The following DOCK9 variants were observed in gnomAD, a reference collection of about 807,000 sequenced individuals.
DOCK9 encodes the protein dedicator of cytokinesis 9, also known as dedicator of cytokinesis protein 9.
DOCK9 carries 89 observed loss-of-function variants against 263.3 expected under a neutral mutation model. The observed-to-expected ratio is 0.34, with a 90% CI of 0.28 to 0.40. DOCK9 has a LOEUF of 0.40. DOCK9 is among the 10% of genes least tolerant of loss of function. DOCK9 has a pLI of 1.00. For missense variants in DOCK9, 2,140 were observed against 2,603.4 expected (o/e 0.82, Z 3.87); for synonymous variants, 976 against 973.1 (o/e 1.00, Z -0.06).
intron 1 of DOCK9, among the ~76,000 whole-genome samples, chr13:98,991,288 T>C (rs1439046604): frequency 2.0e-5 from 3 of 152,138 alleles, no homozygotes; most frequent in Non-Finnish European, 4.4e-5. Flanking sequence ...ACCAGGCTGG[T>C]CTTGAACTCC....
At chr13:98,980,848 T>C (rs1326399635), upstream of DOCK9, among the ~76,000 whole-genome samples, 1 of 152,218 alleles carries the variant, frequency 6.6e-6, no homozygotes, top group Non-Finnish European at 1.5e-5. Context: ...CACATGTTCA[T>C]GTCATGAGCC....
intron 15 of DOCK9, among the ~76,000 whole-genome samples, chr13:98,895,385 G>A (rs2047261653): frequency 6.6e-6 from 1 of 151,962 alleles, no homozygotes; most frequent in South Asian, 2.1e-4. Flanking sequence ...TTCCCCCCTA[G>A]GCTGGGCACG....
intron 1 of DOCK9, among the ~76,000 whole-genome samples, chr13:98,956,711 C>T (rs1207954536): frequency 2.0e-5 from 3 of 152,058 alleles, no homozygotes; most frequent in African/African-American, 7.3e-5. Flanking sequence ...CACACCATTG[C>T]ACTCCAGCCT....
chr13:98,973,093 C>G (rs1334688200), intron 1 of DOCK9, among the ~76,000 whole-genome samples: 1 of 152,160 alleles, frequency 6.6e-6, no homozygotes, highest in African/African-American at 2.4e-5. Context: ...TTTCTTTCAC[C>G]ATCCAATATT....
chr13:98,808,650 G>T, intron 47 of DOCK9: 1 of 1,587,636 alleles, frequency 6.3e-7, no homozygotes, highest in Non-Finnish European at 8.6e-7. Context: ...CTCCACATCT[G>T]TTTCACTGTC....
In DOCK9 at chr13:98,915,339, G is replaced by A. The variant is rs2050722051; in HGVS notation, c.882C>T (p.Asp294=). 6.2e-7 allele frequency: 1 copy of A among 1,613,594 alleles called. No individual in the cohort carries two copies. The highest frequency in any genetic ancestry group is 8.5e-7 in the Non-Finnish European group (1 of 1,179,794). Residue 294 remains aspartate (D), a synonymous_variant, in exon 8 of 53, where the codon GAC becomes GAT. Transcript: ENST00000682017. ...GCCAAGCCTATCTACCTTCGTGAGA[G>A]TCGCCATTTCGCTTTTCTTGCATTG... is the stretch of plus-strand genomic sequence containing the variant. ...EAAMQEKRNG[D]SHEDDEQSKL...
intron 1 of DOCK9, chr13:99,025,254 T>A (rs1480013451): frequency 6.6e-6 from 1 of 152,162 alleles, no homozygotes; most frequent in Admixed American, 6.5e-5. Flanking sequence ...CAACACCACA[T>A]ATACTATTAT....
Position 98,934,321 on chromosome 13 carries a change from T to A in DOCK9, c.244-4064A>T, listed in dbSNP as rs1382130085. On this transcript the variant is annotated intron_variant, in intron 2 of 52. Transcript: ENST00000682017. ...GGTGACAGGAAGTACAAGGTAGCCA[T>A]AAAGAGGATATATACAAGATGCCCC... is the stretch of plus-strand genomic sequence containing the variant. Among the ~76,000 whole-genome samples the A allele has an allele frequency of 2.0e-5, 3 of 152,064 alleles. No homozygotes were observed. The East Asian group carries it at 5.8e-4, about 29-fold the overall frequency.
chr13:98,931,662 A>G (rs545029097), intron 2 of DOCK9, among the ~76,000 whole-genome samples: 3 of 152,000 alleles, frequency 2.0e-5, no homozygotes, highest in South Asian at 4.1e-4. Flanking sequence ...CAGTGGCATG[A>G]TCTCGGCTCA....
At chr13:98,794,872 GC>G in intron 52 of DOCK9, 124 bp from the exon 53 acceptor site, 2 of 1,015,832 alleles carry the variant, frequency 2.0e-6, no homozygotes, top group Non-Finnish European at 3.0e-6. Context: ...AGGCAATGTT[GC>G]CACGTGCAAC....
upstream of DOCK9, among the ~76,000 whole-genome samples, chr13:98,980,881 C>G (rs1358908179): frequency 5.3e-5 from 8 of 151,978 alleles, no homozygotes; most frequent in Admixed American, 5.2e-4. Context: ...TGAAGTTTTT[C>G]TATATTTTTC....
intron 27 of DOCK9, among the ~76,000 whole-genome samples, chr13:98,873,195 C>T (rs1252604052): frequency 6.6e-6 from 1 of 152,188 alleles, no homozygotes; most frequent in African/African-American, 2.4e-5. Context: ...GTCATTGCCC[C>T]AATAAGTCTC....
intron 1 of DOCK9, among the ~76,000 whole-genome samples, chr13:99,010,437 G>T (rs1457124703): frequency 6.6e-6 from 1 of 152,232 alleles, no homozygotes; most frequent in Non-Finnish European, 1.5e-5. Context: ...TCTAGGCTGA[G>T]CTATCCTTTC....
At chr13:98,909,378 C>A (rs2049642367) in intron 9 of DOCK9, among the ~76,000 whole-genome samples, 1 of 152,086 alleles carries the variant, frequency 6.6e-6, no homozygotes, top group Admixed American at 6.6e-5. Context: ...TAGGCATACT[C>A]TGTGTCTTAA....
At chr13:98,973,284 C>A (rs1365913585) in intron 1 of DOCK9, among the ~76,000 whole-genome samples, 1 of 152,086 alleles carries the variant, frequency 6.6e-6, no homozygotes, top group Admixed American at 6.5e-5. Context: ...TGATCATTGC[C>A]CATAAGCTTA....
At chr13:98,802,030 G>A (rs1369662909) in intron 49 of DOCK9, among the ~76,000 whole-genome samples, 3 of 152,194 alleles carry the variant, frequency 2.0e-5, no homozygotes, top group South Asian at 2.1e-4. Context: ...GTGAGGACTC[G>A]GCCTCGCTGC....
chr13:99,032,600 T>TATAAATTTATTAATTTATATGAC (rs1424836174), intron 1 of DOCK9, among the ~76,000 whole-genome samples: 1 of 151,776 alleles, frequency 6.6e-6, no homozygotes, highest in Non-Finnish European at 1.5e-5. Context: ...GGGGAAGTAC[T>TATAAATTTATTAATTTATATGAC]ATAAATTTAT....
chr13:99,069,218 G>C (rs2041564547), intron 1 of DOCK9, among the ~76,000 whole-genome samples: 3 of 152,102 alleles, frequency 2.0e-5, no homozygotes, highest in Non-Finnish European at 2.9e-5. Flanking sequence ...CAATAACATT[G>C]ACTACTAAAT....
intron 1 of DOCK9, among the ~76,000 whole-genome samples, chr13:99,038,685 A>G (rs9513539): frequency 0.15 from 22,607 of 152,240 alleles, 2,414 homozygotes; most frequent in East Asian, 0.43. Flanking sequence ...CTTGAAAAAC[A>G]AAAGGATTTC....
Sources: allele counts gnomAD v4.1 joint callset (sites outside exome capture counted in the v4.1 genomes callset), GRCh38; gene constraint gnomAD v4.1.1; transcripts MANE v1.5; gene names NCBI Gene and HGNC (gene_info 2026-07-23, HGNC 2026-07-21).